The following SLC25A36 variants were observed in gnomAD, a reference collection of about 807,000 sequenced individuals.
SLC25A36 encodes epididymis secretory sperm binding protein.
In SLC25A36, 24 loss-of-function variants were observed where a neutral mutation model predicts 35.3. That is an observed-to-expected ratio of 0.68 (90% CI 0.49 to 0.96). The LOEUF (loss-of-function observed/expected upper bound fraction) is 0.96, where lower values mean the gene tolerates loss of function less well. SLC25A36 is among the 40% of genes least tolerant of loss of function. The pLI, the probability that SLC25A36 is intolerant of heterozygous loss-of-function variation, is 0.00. For synonymous variants in SLC25A36, 141 were observed against 132.2 expected, an observed-to-expected ratio of 1.07 and a Z score of -0.46; for missense variants, 294 against 381.1, an observed-to-expected ratio of 0.77 and a Z score of 1.90.
At chr3:140,950,806 T>TA (rs1934298408) in intron 1 of SLC25A36, among the ~76,000 whole-genome samples, 1 of 152,188 alleles carries the variant, frequency 6.6e-6, no homozygotes, top group Non-Finnish European at 1.5e-5. Flanking sequence ...TTGTTCCTGC[T>TA]AAACCTAAGT....
chr3:140,951,884 A>C (rs577046616), intron 1 of SLC25A36, among the ~76,000 whole-genome samples: 2 of 152,116 alleles, frequency 1.3e-5, no homozygotes, highest in South Asian at 4.2e-4. Flanking sequence ...CCTAGGCTGG[A>C]GTGTGATAGT....
intron 3 of SLC25A36, among the ~76,000 whole-genome samples, chr3:140,961,238 T>G (rs934942291): frequency 6.6e-6 from 1 of 152,186 alleles, no homozygotes; most frequent in African/African-American, 2.4e-5. Flanking sequence ...TTCCAGTAAT[T>G]TTTCTCGGTT....
At position 140,950,269 on chromosome 3, in the gene SLC25A36, T is replaced by C. The variant is rs191196856; in HGVS notation, c.42-6258T>C. Among the ~76,000 whole-genome samples the C allele has an allele frequency of 2.3e-3, 244 of 105,042 alleles. 3 individuals carry two copies. In the East Asian group the frequency reaches 0.028, roughly 12 times the overall value. 68.9% of individuals were successfully genotyped at this position (105,042 alleles called of 152,430 possible). A position where few individuals can be genotyped will look rare whatever the true frequency, so the allele number is the denominator to read the frequency against. On this transcript the variant is annotated intron_variant, in intron 1 of 6. Coordinates refer to ENST00000324194, the MANE Select transcript of SLC25A36 (RefSeq NM_001104647.3). Reference sequence around the variant, plus strand: ...CCCCGCCCCCACCCCCCACTGCCCCTGAAGTTAATAATTGCCTCCATTAAA... The same window carrying C: ...CCCCGCCCCCACCCCCCACTGCCCCCGAAGTTAATAATTGCCTCCATTAAA...
chr3:140,958,959 T>TG (rs1559813289), intron 2 of SLC25A36, among the ~76,000 whole-genome samples: 31 of 124,010 alleles, frequency 2.5e-4, no homozygotes, highest in Non-Finnish European at 2.8e-4. Context: ...AAAACAATGT[T>TG]TTGTGTGTGT....
intron 3 of SLC25A36, among the ~76,000 whole-genome samples, chr3:140,960,321 G>C (rs1182422419): frequency 6.6e-6 from 1 of 152,160 alleles, no homozygotes; most frequent in Non-Finnish European, 1.5e-5. Context: ...TTGACTCTAA[G>C]AAAGGTAAGC....
chr3:140,968,788 T>C (rs1201303706), intron 4 of SLC25A36: 4 of 580,068 alleles, frequency 6.9e-6, no homozygotes, highest in African/African-American at 4.1e-5. Flanking sequence ...AAAAAAAAAC[T>C]TAGGTGCTCA....
chr3:140,962,162 T>G (rs1934647892), intron 3 of SLC25A36, among the ~76,000 whole-genome samples: 1 of 152,174 alleles, frequency 6.6e-6, no homozygotes, highest in Admixed American at 6.5e-5. Context: ...CAACTTGGCA[T>G]CAAGTGTATC....
Position 140,977,909 on chromosome 3 carries a change from G to C in SLC25A36, c.*1456G>C, listed in dbSNP as rs1191563369. On this transcript the variant is annotated 3_prime_UTR_variant, in exon 7 of 7. Coordinates refer to ENST00000324194, the MANE Select transcript of SLC25A36 (RefSeq NM_001104647.3). ...TTTGGGGGGGAGGGTGAGAGAGTAG[G>C]AGAGAATACCATGTTAAGATTAAAA... is the stretch of plus-strand genomic sequence containing the variant. 1 of 151,478 alleles carries C rather than the reference G, an allele frequency of 6.6e-6. No homozygotes were observed. Among genetic ancestry groups the C allele is most frequent in the African/African-American group, 2.4e-5 (1 of 41,174 alleles). The allele number at this position is 151,478 out of a possible 1,614,324, so 9.4% of individuals were successfully genotyped here. A position where few individuals can be genotyped will look rare whatever the true frequency, so the allele number is the denominator to read the frequency against.
chr3:140,957,665 T>A (rs538201183), intron 2 of SLC25A36, among the ~76,000 whole-genome samples: 15 of 152,184 alleles, frequency 9.9e-5, no homozygotes, highest in Admixed American at 7.2e-4. Flanking sequence ...CACTTGAACC[T>A]GGGAGGCAGA....
chr3:140,946,449 G>A (rs745536548), intron 1 of SLC25A36, among the ~76,000 whole-genome samples: 54 of 152,110 alleles, frequency 3.6e-4, no homozygotes, highest in Non-Finnish European at 3.1e-4. Context: ...ATTTTTAAAG[G>A]CTAATTGGTC....
chr3:140,953,147 C>G (rs1469548507), intron 1 of SLC25A36, among the ~76,000 whole-genome samples: 1 of 151,986 alleles, frequency 6.6e-6, no homozygotes, highest in Non-Finnish European at 1.5e-5. Flanking sequence ...TGACTCATGT[C>G]TTTTACCACT....
chr3:140,958,772 G>C (rs1019125936), intron 2 of SLC25A36, among the ~76,000 whole-genome samples: 2 of 152,078 alleles, frequency 1.3e-5, no homozygotes, highest in Non-Finnish European at 2.9e-5. Flanking sequence ...CTTTCAATTT[G>C]CTGGTAAAGA....
intron 5 of SLC25A36, chr3:140,973,175 C>A (rs139654419): frequency 6.6e-6 from 1 of 152,156 alleles, no homozygotes; most frequent in African/African-American, 2.4e-5. Flanking sequence ...ATTTGACTTA[C>A]ATTCACCCTA....
intron 2 of SLC25A36, 94 bp downstream of exon 2, chr3:140,956,785 T>A: frequency 6.9e-7 from 1 of 1,450,414 alleles, no homozygotes; most frequent in Non-Finnish European, 9.1e-7. Context: ...TTGAAAATGA[T>A]TTTTTATAAA....
intron 2 of SLC25A36, among the ~76,000 whole-genome samples, chr3:140,957,936 CT>C (rs1375774430): frequency 1.3e-5 from 2 of 151,856 alleles, no homozygotes; most frequent in African/African-American, 4.8e-5. Context: ...TTTAGTAATC[CT>C]TCTGGGCTGT....
At chr3:140,946,966 G>A (rs1381997534) in intron 1 of SLC25A36, among the ~76,000 whole-genome samples, 1 of 152,124 alleles carries the variant, frequency 6.6e-6, no homozygotes, top group Non-Finnish European at 1.5e-5. Context: ...AAGGGACCAC[G>A]AGCTACCTAC....
In SLC25A36 at chr3:140,979,460, C is replaced by A. The variant is rs1935134148; in HGVS notation, c.*3007C>A. 1 of 152,162 alleles carries A rather than the reference C, an allele frequency of 6.6e-6. No homozygotes were observed. The highest frequency in any genetic ancestry group is 6.5e-5 in the Admixed American group (1 of 15,274). The allele number at this position is 152,162 out of a possible 1,614,324, so 9.4% of individuals were successfully genotyped here. A position where few individuals can be genotyped will look rare whatever the true frequency, so the allele number is the denominator to read the frequency against. On this transcript the variant is annotated 3_prime_UTR_variant, in exon 7 of 7. Transcript: ENST00000324194. ...AGACTGTTAGTAATCTAGGGACCCC[C>A]TTTGGAGCTGATAAGTACAGTTCAG...
Position 140,941,992 on chromosome 3 carries a change from T to G in SLC25A36, c.-63T>G. 1 of 897,678 alleles carries G rather than the reference T, an allele frequency of 1.1e-6. No individual in the cohort carries two copies. The highest frequency in any genetic ancestry group is 1.8e-6 in the Non-Finnish European group (1 of 565,994). 55.6% of individuals were successfully genotyped at this position (897,678 alleles called of 1,614,324 possible). A position where few individuals can be genotyped will look rare whatever the true frequency, so the allele number is the denominator to read the frequency against. On this transcript the variant is annotated 5_prime_UTR_variant, in exon 1 of 7. Coordinates refer to ENST00000324194, the MANE Select transcript of SLC25A36 (RefSeq NM_001104647.3). ...TCTCCAGTCCGGGACCGAAGCCGCCTGCCGTAGCGGGCGGCCAGATCCGCG... is the reference window on the plus strand; with the variant it reads ...TCTCCAGTCCGGGACCGAAGCCGCCGGCCGTAGCGGGCGGCCAGATCCGCG...
intron 1 of SLC25A36, among the ~76,000 whole-genome samples, chr3:140,955,793 A>G (rs1340471054): frequency 1.2e-4 from 18 of 152,054 alleles, no homozygotes; most frequent in Admixed American, 1.2e-3. Context: ...CTATGCTCAC[A>G]CAGTTTTCCC....
Sources: gnomAD v4.1 joint callset for allele counts (sites outside exome capture counted in the v4.1 genomes callset) on GRCh38, gnomAD v4.1.1 for gene constraint, MANE v1.5 for transcripts, NCBI Gene and HGNC (gene_info 2026-07-23, HGNC 2026-07-21) for gene names.